CCDC3: variants seen among roughly 807,000 people sequenced by gnomAD.
CCDC3 encodes coiled-coil domain-containing protein 3.
Under a neutral mutation model 21.4 loss-of-function variants are expected in CCDC3, and 24 were observed. The ratio of observed to expected loss-of-function variants is 1.12; its 90% confidence interval spans 0.81 to 1.58. The LOEUF (loss-of-function observed/expected upper bound fraction) is 1.58, where lower values mean the gene tolerates loss of function less well. CCDC3 is among the 40% of genes most tolerant of loss of function. The pLI, the probability that CCDC3 is intolerant of heterozygous loss-of-function variation, is 0.00. For missense variants in CCDC3, 425 were observed against 360.9 expected (o/e 1.18, Z -1.44); for synonymous variants, 186 against 166.0 (o/e 1.12, Z -0.93).
chr10:12,937,776 T>G (rs1029833977), intron 2 of CCDC3, among the ~76,000 whole-genome samples: 1 of 152,196 alleles, frequency 6.6e-6, no homozygotes, highest in East Asian at 1.9e-4. Flanking sequence ...GAAAACATGT[T>G]CATTGTCCTG....
chr10:13,051,215 G>T (rs192556374), intron 4 of CCDC3, among the ~76,000 whole-genome samples: 1 of 151,326 alleles, frequency 6.6e-6, no homozygotes, highest in African/African-American at 2.4e-5. Flanking sequence ...ATTTATTTTG[G>T]TCACAGCCTG....
chr10:12,945,787 G>C (rs1398929836), intron 2 of CCDC3, among the ~76,000 whole-genome samples: 1 of 152,178 alleles, frequency 6.6e-6, no homozygotes, highest in Non-Finnish European at 1.5e-5. Context: ...CTAGTAAAAA[G>C]AACTAAGGTT....
At chr10:12,907,159 A>T (rs1330228802) in intron 2 of CCDC3, among the ~76,000 whole-genome samples, 1 of 152,232 alleles carries the variant, frequency 6.6e-6, no homozygotes, top group African/African-American at 2.4e-5. Context: ...CAAGGGCTCC[A>T]TCTTTTCATT....
intron 2 of CCDC3, among the ~76,000 whole-genome samples, chr10:12,908,213 G>A (rs1361191630): frequency 6.6e-6 from 1 of 152,198 alleles, no homozygotes; most frequent in Non-Finnish European, 1.5e-5. Flanking sequence ...ATGTTTACGT[G>A]GGGACCAAAA....
At chr10:13,032,497 C>T (rs1235997261) in intron 5 of CCDC3, among the ~76,000 whole-genome samples, 3 of 152,120 alleles carry the variant, frequency 2.0e-5, no homozygotes, top group Non-Finnish European at 2.9e-5. Context: ...CCAGGGCAAT[C>T]AGGCAGGAGA....
intron 5 of CCDC3, among the ~76,000 whole-genome samples, chr10:13,041,908 T>C (rs1029628734): frequency 6.6e-6 from 1 of 152,044 alleles, no homozygotes; most frequent in African/African-American, 2.4e-5. Flanking sequence ...ATTACAGGTG[T>C]GAGCCACCGT....
intron 1 of CCDC3, among the ~76,000 whole-genome samples, chr10:13,000,486 C>T (rs1835829767): frequency 6.6e-6 from 1 of 152,172 alleles, no homozygotes; most frequent in South Asian, 2.1e-4. Context: ...CACCTCTCCA[C>T]TCCTCAAAGC....
intron 2 of CCDC3, among the ~76,000 whole-genome samples, chr10:12,919,449 G>C (rs960140454): frequency 6.6e-6 from 1 of 152,120 alleles, no homozygotes; most frequent in African/African-American, 2.4e-5. Flanking sequence ...AATTAGCTGG[G>C]TGTGGTGTTT....
intron 2 of CCDC3, among the ~76,000 whole-genome samples, chr10:12,905,523 G>A (rs1302864122): frequency 6.6e-6 from 1 of 152,178 alleles, no homozygotes; most frequent in Non-Finnish European, 1.5e-5. Context: ...TGGTGCCAGA[G>A]ACGCCCAAGA....
chr10:13,022,319 G>C (rs1836157067), intron 5 of CCDC3, among the ~76,000 whole-genome samples: 1 of 152,074 alleles, frequency 6.6e-6, no homozygotes, highest in Non-Finnish European at 1.5e-5. Context: ...TGAGAATCCA[G>C]ATTTTTCTCT....
chr10:12,957,714 G>A (rs532874660), intron 2 of CCDC3, among the ~76,000 whole-genome samples: 2 of 152,288 alleles, frequency 1.3e-5, no homozygotes, highest in East Asian at 3.9e-4. Flanking sequence ...CATACGATGA[G>A]CCTGCTGCCC....
chr10:13,093,762 G>A (rs2131456790), intron 3 of CCDC3, among the ~76,000 whole-genome samples: 1 of 151,742 alleles, frequency 6.6e-6, no homozygotes, highest in East Asian at 1.9e-4. Context: ...AGACACCTTA[G>A]TTTGGAAAAA....
intron 2 of CCDC3, among the ~76,000 whole-genome samples, chr10:12,986,522 C>T (rs760896530): frequency 2.0e-5 from 3 of 152,022 alleles, no homozygotes; most frequent in African/African-American, 4.8e-5. Flanking sequence ...CGCCTGTAAT[C>T]CCAGCACTTT....
chr10:12,924,922 G>C (rs1834511372), intron 2 of CCDC3: 1 of 152,260 alleles, frequency 6.6e-6, no homozygotes, highest in African/African-American at 2.4e-5. Flanking sequence ...CGAGTAGTTA[G>C]AGAATTTCTA....
At chr10:12,937,389 A>G (rs1307624146) in intron 2 of CCDC3, among the ~76,000 whole-genome samples, 4 of 152,128 alleles carry the variant, frequency 2.6e-5, no homozygotes, top group African/African-American at 9.7e-5. Flanking sequence ...CCACCATAGT[A>G]CTAGCAGTAC....
At chr10:12,982,461 TAA>T (rs1835513549) in intron 2 of CCDC3, among the ~76,000 whole-genome samples, 1 of 151,916 alleles carries the variant, frequency 6.6e-6, no homozygotes, top group East Asian at 1.9e-4. Flanking sequence ...TAGATTTTGT[TAA>T]GAGTAGATTT....
intron 2 of CCDC3, among the ~76,000 whole-genome samples, chr10:12,910,856 A>C (rs1589000546): frequency 1.3e-5 from 2 of 152,160 alleles, no homozygotes; most frequent in Non-Finnish European, 2.9e-5. Context: ...TGGCCTCCCA[A>C]AGTGCTGGGA....
intron 2 of CCDC3, among the ~76,000 whole-genome samples, chr10:12,952,519 A>T (rs1422592538): frequency 5.9e-5 from 9 of 151,834 alleles, no homozygotes; most frequent in Admixed American, 6.6e-5. Flanking sequence ...ATCTAGAATA[A>T]CTCCCAGACT....
At chr10:12,979,399 G>GT (rs1178486437) in intron 2 of CCDC3, among the ~76,000 whole-genome samples, 2 of 151,392 alleles carry the variant, frequency 1.3e-5, no homozygotes, top group Non-Finnish European at 2.9e-5. Flanking sequence ...CTCTGTCTTT[G>GT]TTTTTGGTTT....
Sources: gnomAD v4.1 joint callset for allele counts (sites outside exome capture counted in the v4.1 genomes callset) on GRCh38, gnomAD v4.1.1 for gene constraint, MANE v1.5 for transcripts, NCBI Gene and HGNC (gene_info 2026-07-23, HGNC 2026-07-21) for gene names.